The following MYO7B variants were observed in gnomAD, a reference collection of about 807,000 sequenced individuals.
MYO7B encodes myosin VIIB.
A neutral mutation model predicts 259.7 loss-of-function variants in MYO7B; 212 were observed. That is an observed-to-expected ratio of 0.82 (90% confidence interval 0.73 to 0.91). The LOEUF is 0.91. Among genes scored for constraint, MYO7B ranks in the 40% least tolerant of loss-of-function variants. The pLI is 0.00. For synonymous variants in MYO7B, 1,197 were observed against 1,166.4 expected, an observed-to-expected ratio of 1.03 and a Z score of -0.54; for missense variants, 2,732 against 2,813.5, an observed-to-expected ratio of 0.97 and a Z score of 0.66.
At chr2:127,570,987 G>A (rs142300759) in intron 6 of MYO7B, among the ~76,000 whole-genome samples, 3 of 152,130 alleles carry the variant, frequency 2.0e-5, no homozygotes, top group Non-Finnish European at 2.9e-5. Context: ...TTCTCCACCC[G>A]TTCAGGACAT....
Position 127,628,938 on chromosome 2 carries a change from G to A in MYO7B, c.4624+403G>A, listed in dbSNP as rs1453461302. Among the ~76,000 whole-genome samples, 1 of 152,220 alleles carries A rather than the reference G, an allele frequency of 6.6e-6. No individual in the cohort carries two copies. Among genetic ancestry groups the A allele is most frequent in the African/African-American group, 2.4e-5 (1 of 41,458 alleles). ...CCAGAGATGGAAGTAGCTCACCCAG[G>A]GTCACACAGCTCAAGGGGGTGGGAG... is the stretch of plus-strand genomic sequence containing the variant. On this transcript the variant is annotated intron_variant, in intron 34 of 47. Coordinates refer to ENST00000409816, the MANE Select transcript of MYO7B (RefSeq NM_001393586.1). The surrounding 1 kb of genome is among the most constrained non-coding windows in gnomAD (Gnocchi z 4.8).
chr2:127,561,158 C>T (rs557326560), intron 2 of MYO7B, among the ~76,000 whole-genome samples: 4 of 152,228 alleles, frequency 2.6e-5, no homozygotes, highest in East Asian at 1.9e-4. Context: ...TCTGGGAATG[C>T]GACTAACTGC....
rs1251318470 is a variant in MYO7B at position 127,546,482 on chromosome 2, C to G, written c.-24+10651C>G. ...TACCCATACTCCAGTTCAGTGGCACCACAGAAATGTTAGTGGTGTGGCTTC... is the reference window on the plus strand; with the variant it reads ...TACCCATACTCCAGTTCAGTGGCACGACAGAAATGTTAGTGGTGTGGCTTC... On this transcript the variant is annotated intron_variant, in intron 1 of 47. Coordinates refer to ENST00000409816, the MANE Select transcript of MYO7B (RefSeq NM_001393586.1). This position sits in a 1 kb window ranked among gnomAD's most constrained non-coding sequence, Gnocchi z 4.2. Among the ~76,000 whole-genome samples, 3 of 152,188 alleles carry G rather than the reference C, an allele frequency of 2.0e-5. No homozygotes were observed. Among genetic ancestry groups the G allele is most frequent in the Admixed American group, 1.3e-4 (2 of 15,278 alleles).
At position 127,539,638 on chromosome 2, in the gene MYO7B, C is replaced by T. The variant is rs1391357572; in HGVS notation, c.-24+3807C>T. On this transcript the variant is annotated intron_variant, in intron 1 of 47. Coordinates refer to ENST00000409816, the MANE Select transcript of MYO7B (RefSeq NM_001393586.1). The surrounding 1 kb of genome is among the most constrained non-coding windows in gnomAD (Gnocchi z 4.0). The stretch of plus-strand genomic sequence containing the variant: ...ATGAAGGGGGCTTCTCAAGGACTAT[C>T]ATAAAAAGGAATGAATAAGGACTTC... Among the ~76,000 whole-genome samples the T allele has an allele frequency of 1.3e-5, 2 of 151,902 alleles. No homozygotes were observed. Among genetic ancestry groups the T allele is most frequent in the African/African-American group, 4.8e-5 (2 of 41,338 alleles).
chr2:127,620,609 T>A, intron 27 of MYO7B, 143 bp downstream of exon 27: 1 of 1,063,784 alleles, frequency 9.4e-7, no homozygotes, highest in Non-Finnish European at 1.3e-6. Flanking sequence ...CAGCCATGCC[T>A]ATGCTTCTCC....
chr2:127,564,319 C>T (rs1266203250), intron 3 of MYO7B, 53 bp downstream of exon 3: 2 of 1,405,564 alleles, frequency 1.4e-6, no homozygotes, highest in Non-Finnish European at 2.0e-6. Context: ...CATCCAGGGC[C>T]CTGGAGCCCT....
rs373521227 is a variant in MYO7B at position 127,592,836 on chromosome 2, G to A, written c.2035G>A (p.Gly679Ser). Residue 679 changes from glycine (G) to serine (S), a missense_variant, in exon 17 of 48, where the codon GGC becomes AGC. Around this residue, in one of 3 missense-constraint regions of MYO7B, gnomAD observed 1,906 missense variants for 2,026.4 expected, o/e 0.94. Transcript: ENST00000409816. ...GTGCCTGCGGCAGCTGCGATACTCG[G>A]GCATGATGGAGACCGTGCACATCCG... ...ELCLRQLRYSGMMETVHIRKS... is the reference protein window; with the variant it reads ...ELCLRQLRYSSMMETVHIRKS... 24 of 1,610,368 alleles carry A rather than the reference G, an allele frequency of 1.5e-5. No individual in the cohort carries two copies. Among genetic ancestry groups the A allele is most frequent in the Non-Finnish European group, 1.9e-5 (22 of 1,179,074 alleles).
At chr2:127,547,671 T>C (rs571516358) in intron 1 of MYO7B, among the ~76,000 whole-genome samples, 7 of 152,258 alleles carry the variant, frequency 4.6e-5, no homozygotes, top group Middle Eastern at 3.4e-3. Context: ...TGGAGGATGA[T>C]TGTTCTGAGA....
chr2:127,561,117 T>C (rs1235805464), intron 2 of MYO7B, among the ~76,000 whole-genome samples: 1 of 152,142 alleles, frequency 6.6e-6, no homozygotes, highest in Non-Finnish European at 1.5e-5. Context: ...CAAAGGAATA[T>C]GCCACGGGAT....
At chr2:127,610,454 G>A (rs922706453) in intron 24 of MYO7B, among the ~76,000 whole-genome samples, 12 of 152,336 alleles carry the variant, frequency 7.9e-5, no homozygotes, top group Non-Finnish European at 1.6e-4. Context: ...GAAATGACCT[G>A]CCCCCAGTTG....
At chr2:127,621,762 CAAA>C (rs1680849341) in intron 27 of MYO7B, among the ~76,000 whole-genome samples, 1 of 152,348 alleles carries the variant, frequency 6.6e-6, no homozygotes, top group African/African-American at 2.4e-5. Context: ...ATTGTTGTGA[CAAA>C]GAGTGTGCAC....
chr2:127,593,489 A>G, intron 17 of MYO7B, 57 bp from the exon 18 acceptor site: 2 of 1,521,076 alleles, frequency 1.3e-6, no homozygotes, highest in Non-Finnish European at 1.8e-6. Flanking sequence ...ACCCCCAGAG[A>G]GCCGCCGAGG....
In MYO7B at chr2:127,627,134, G is replaced by A. The variant is rs1322713219; in HGVS notation, c.4333+42G>A. On this transcript the variant is annotated intron_variant, in intron 32 of 47. Transcript: ENST00000409816. This position sits in a 1 kb window ranked among gnomAD's most constrained non-coding sequence, Gnocchi z 5.6. ...GGGGGCAGGGAGCAGGTATGGGCTGGGCACCCAGGGGTCCCATGCAGCCTT... is the reference window on the plus strand; with the variant it reads ...GGGGGCAGGGAGCAGGTATGGGCTGAGCACCCAGGGGTCCCATGCAGCCTT... 1 of 1,604,124 alleles carries A rather than the reference G, an allele frequency of 6.2e-7. No individual in the cohort carries two copies. The highest frequency in any genetic ancestry group is 1.1e-5 in the South Asian group (1 of 89,680).
intron 19 of MYO7B, 31 bp downstream of exon 19, chr2:127,596,587 C>G (rs368456442): frequency 2.6e-6 from 4 of 1,553,126 alleles, no homozygotes; most frequent in Non-Finnish European, 2.6e-6. Flanking sequence ...CCCACCCAGC[C>G]TACTCCTGCC....
intron 8 of MYO7B, 82 bp from the exon 9 acceptor site, chr2:127,578,051 C>T: frequency 6.5e-7 from 1 of 1,537,672 alleles, no homozygotes; most frequent in South Asian, 1.2e-5. Context: ...CTATGAAGTG[C>T]AGTGTCTCAG....
intron 26 of MYO7B, among the ~76,000 whole-genome samples, chr2:127,616,802 C>G (rs13413420): frequency 0.16 from 24,452 of 152,114 alleles, 2,033 homozygotes; most frequent in Middle Eastern, 0.25. Flanking sequence ...CAGGTCCAGG[C>G]CCCCTTCTCA....
chr2:127,585,078 A>ATGTTT lies in MYO7B; in HGVS notation c.1690+176_1690+180dup, dbSNP rs1204830497. Among the ~76,000 whole-genome samples, 6 of 152,126 alleles carry ATGTTT rather than the reference A, an allele frequency of 3.9e-5. No homozygotes were observed. Among genetic ancestry groups the ATGTTT allele is most frequent in the Admixed American group, 1.3e-4 (2 of 15,280 alleles). On this transcript the variant is annotated intron_variant, in intron 14 of 47. Coordinates refer to ENST00000409816, the MANE Select transcript of MYO7B (RefSeq NM_001393586.1). The surrounding 1 kb of genome is among the most constrained non-coding windows in gnomAD (Gnocchi z 4.3). ...AGAAAGAAAATGGAGTGGACCGGGC[A>ATGTTT]TGTTTTGTTTTGTTTCTGGTAATAA...
At chr2:127,565,902 C>A (rs1219885727) in intron 4 of MYO7B, among the ~76,000 whole-genome samples, 4 of 152,232 alleles carry the variant, frequency 2.6e-5, no homozygotes. Flanking sequence ...AGGTGGTATT[C>A]CAAAACCGAC....
chr2:127,550,984 G>C (rs1330804502), intron 1 of MYO7B, among the ~76,000 whole-genome samples: 1 of 151,360 alleles, frequency 6.6e-6, no homozygotes, highest in Non-Finnish European at 1.5e-5. Context: ...AGAAATCTAA[G>C]AGCAGCTTAT....
Sources: gnomAD v4.1 joint callset for allele counts (sites outside exome capture counted in the v4.1 genomes callset) on GRCh38, gnomAD v4.1.1 for gene constraint, gnomAD v4.1.1 regional missense constraint, Gnocchi (gnomAD v3.1) non-coding constraint, MANE v1.5 for transcripts, NCBI Gene and HGNC (gene_info 2026-07-23, HGNC 2026-07-21) for gene names.